Variants in SYCP1 observed in about 807,000 individuals in gnomAD.
The protein encoded by SYCP1 is cancer/testis antigen 8.
In SYCP1, 64 loss-of-function variants were observed where a neutral mutation model predicts 153.1. The ratio of observed to expected loss-of-function variants is 0.42; its 90% CI spans 0.34 to 0.51. The LOEUF is 0.51. SYCP1 is among the 20% of genes least tolerant of loss of function. SYCP1 has a pLI of 0.06. For missense variants in SYCP1, 997 were observed against 1,049.0 expected, an observed-to-expected ratio of 0.95 and a Z score of 0.68; for synonymous variants, 384 against 341.8, an observed-to-expected ratio of 1.12 and a Z score of -1.36.
At chr1:114,923,360 T>G (rs1669027006) in intron 20 of SYCP1, 89 bp from the exon 21 acceptor site, 1 of 1,353,854 alleles carries the variant, frequency 7.4e-7, no homozygotes, top group Non-Finnish European at 9.8e-7. Context: ...AAGAATGTGG[T>G]CTTTAAGACT....
intron 29 of SYCP1, among the ~76,000 whole-genome samples, chr1:114,983,605 C>T (rs563258525): frequency 6.6e-6 from 1 of 151,900 alleles, no homozygotes; most frequent in South Asian, 2.1e-4. Flanking sequence ...CCAGGCTGCC[C>T]CAGGAACGTG....
chr1:114,923,349 A>T, intron 20 of SYCP1, 100 bp from the exon 21 acceptor site: 1 of 1,303,638 alleles, frequency 7.7e-7, no homozygotes, highest in Non-Finnish European at 1.0e-6. Flanking sequence ...ACATTTGGTT[A>T]AAGAATGTGG....
intron 12 of SYCP1, among the ~76,000 whole-genome samples, chr1:114,879,153 A>G (rs527438746): frequency 6.6e-6 from 1 of 152,174 alleles, no homozygotes; most frequent in Non-Finnish European, 1.5e-5. Flanking sequence ...TCATGTTTAG[A>G]CTGTCTTATT....
Position 114,988,954 on chromosome 1 carries a change from G to T in SYCP1, c.2703+4086G>T, listed in dbSNP as rs559536766. On this transcript the variant is annotated intron_variant, in intron 30 of 31. Transcript: ENST00000369522. ...CCCAGCATTTTGGGAGGCTGAGGCA[G>T]GTGGAAGTTTGAGACCAGCCTGGGT... Among the ~76,000 whole-genome samples, 507 of 152,090 alleles carry T rather than the reference G, an allele frequency of 3.3e-3. 2 individuals carry two copies. The highest frequency in any genetic ancestry group is 5.6e-3 in the Non-Finnish European group (381 of 67,944).
rs1664079786 is a variant in SYCP1 at position 114,857,478 on chromosome 1, T to C, written c.272T>C (p.Leu91Pro). 1 of 1,600,114 alleles carries C rather than the reference T, an allele frequency of 6.2e-7. No individual in the cohort carries two copies. Among genetic ancestry groups the C allele is most frequent in the Non-Finnish European group, 8.5e-7 (1 of 1,173,282 alleles). ...TCTGACTGTCACTATCAGGAAGGAC[T>C]AAAAGACTCTGATTTGGAGGTCAGA... ...GNSDCHYQEG[L>P]KDSDLENSEG... The change falls in exon 5 of 32, where the codon CTA becomes CCA. Residue 91 changes from leucine to proline, a missense_variant. This residue lies in a region of SYCP1 where 285 missense variants were observed against 366.1 expected (regional missense o/e 0.78). Coordinates refer to ENST00000369522, the MANE Select transcript of SYCP1 (RefSeq NM_003176.4).
intron 23 of SYCP1, among the ~76,000 whole-genome samples, chr1:114,942,083 A>C (rs963449319): frequency 2.6e-5 from 4 of 152,114 alleles, no homozygotes; most frequent in African/African-American, 4.8e-5. Context: ...GAAAAATTAA[A>C]AGAAATCCAC....
chr1:114,989,034 G>C (rs1240492100), intron 30 of SYCP1, among the ~76,000 whole-genome samples: 2 of 151,836 alleles, frequency 1.3e-5, no homozygotes, highest in African/African-American at 4.8e-5. Flanking sequence ...AGGCATTGTG[G>C]TGCACATCTG....
chr1:114,893,374 A>G (rs977063647), intron 15 of SYCP1, among the ~76,000 whole-genome samples: 11 of 151,484 alleles, frequency 7.3e-5, no homozygotes, highest in African/African-American at 2.4e-4. Flanking sequence ...CTGTATCTCT[A>G]TCTATCTCAT....
chr1:114,952,673 C>T (rs1412993966), intron 27 of SYCP1, among the ~76,000 whole-genome samples: 1 of 152,150 alleles, frequency 6.6e-6, no homozygotes, highest in East Asian at 1.9e-4. Flanking sequence ...ATGGGGGTAA[C>T]CAACCTCATG....
intron 15 of SYCP1, among the ~76,000 whole-genome samples, chr1:114,890,966 T>A (rs893733338): frequency 6.6e-6 from 1 of 152,194 alleles, no homozygotes; most frequent in African/African-American, 2.4e-5. Flanking sequence ...AAAAATTGTA[T>A]TTGTAAGATT....
intron 27 of SYCP1, among the ~76,000 whole-genome samples, chr1:114,954,547 T>TTTATTTATTTATTTA (rs1671313381): frequency 4.2e-4 from 63 of 148,332 alleles, no homozygotes; most frequent in Non-Finnish European, 8.0e-4. Context: ...TCAGTATGCT[T>TTTATTTATTTATTTA]TTTATTTATT....
intron 16 of SYCP1, among the ~76,000 whole-genome samples, chr1:114,906,245 G>A (rs943495319): frequency 3.3e-5 from 5 of 152,132 alleles, no homozygotes; most frequent in Non-Finnish European, 7.4e-5. Context: ...GGGATTACAA[G>A]TGTGAGCCAC....
intron 3 of SYCP1, among the ~76,000 whole-genome samples, chr1:114,856,921 C>CAAAAAAAAAAAAAAAAA (rs758650224): frequency 5.4e-5 from 2 of 37,294 alleles, no homozygotes; most frequent in African/African-American, 1.1e-4. Flanking sequence ...CCTGTCTGTA[C>CAAAAAAAAAAAAAAAAA]AAAAAAAAAA....
At chr1:114,879,813 G>T (rs1195001730) in intron 12 of SYCP1, among the ~76,000 whole-genome samples, 1 of 152,090 alleles carries the variant, frequency 6.6e-6, no homozygotes, top group Non-Finnish European at 1.5e-5. Context: ...TCTGTGTTCA[G>T]TGTGGATATT....
At chr1:114,904,128 T>A (rs959542595) in intron 16 of SYCP1, among the ~76,000 whole-genome samples, 1 of 151,628 alleles carries the variant, frequency 6.6e-6, no homozygotes, top group Non-Finnish European at 1.5e-5. Flanking sequence ...TTCTTTTTTT[T>A]TTTTTTGAGA....
chr1:114,964,614 A>G (rs1671990605), intron 27 of SYCP1, among the ~76,000 whole-genome samples: 5 of 151,816 alleles, frequency 3.3e-5, no homozygotes, highest in Admixed American at 2.6e-4. Context: ...TTTTCCCAAT[A>G]CCATTTATTA....
intron 15 of SYCP1, among the ~76,000 whole-genome samples, chr1:114,892,775 T>C (rs1305637887): frequency 6.6e-6 from 1 of 152,032 alleles, no homozygotes; most frequent in African/African-American, 2.4e-5. Flanking sequence ...TCAGTCTTGG[T>C]AGCAGTAGCC....
Position 114,910,419 on chromosome 1 carries a change from A to C in SYCP1, c.1343A>C (p.Tyr448Ser). Residue 448 changes from tyrosine (Y) to serine (S), a missense_variant, in exon 17 of 32, where the codon TAT (tyrosine) becomes TCT (serine). Coordinates refer to ENST00000369522, the MANE Select transcript of SYCP1 (RefSeq NM_003176.4). ...TAGGGAGAAAAGGAAACACTTTTAT[A>C]TGAAAATAAACAATTTGAGAAGATT... The part of the protein sequence containing the change: ...KVLGEKETLL[Y>S]ENKQFEKIAE... The C allele has an allele frequency of 6.3e-7, 1 of 1,598,950 alleles. No homozygotes were observed. The highest frequency in any genetic ancestry group is 8.5e-7 in the Non-Finnish European group (1 of 1,172,598).
rs577609703 is a variant in SYCP1 at position 114,955,735 on chromosome 1, G to A, written c.2322+8415G>A. ...CTCATGGAACCAAAGACCTTGGAGGGTCATTTTGAGAGTGCAGACTGACAG... is the reference window on the plus strand; with the variant it reads ...CTCATGGAACCAAAGACCTTGGAGGATCATTTTGAGAGTGCAGACTGACAG... On this transcript the variant is annotated intron_variant, in intron 27 of 31. Transcript: ENST00000369522. Among the ~76,000 whole-genome samples, 3 of 152,204 alleles carry A rather than the reference G, an allele frequency of 2.0e-5. No individual in the cohort carries two copies. In the South Asian group the frequency reaches 6.2e-4, roughly 32 times the overall value.
Sources: allele counts gnomAD v4.1 joint callset (sites outside exome capture counted in the v4.1 genomes callset), GRCh38; gene constraint gnomAD v4.1.1; regional missense constraint gnomAD v4.1.1; transcripts MANE v1.5; gene names NCBI Gene and HGNC (gene_info 2026-07-23, HGNC 2026-07-21).